The following AAK1 variants were observed in gnomAD, a reference collection of about 807,000 sequenced individuals.
AAK1 encodes the protein AP2 associated kinase 1.
Under a neutral mutation model 116.0 loss-of-function variants are expected in AAK1, and 37 were observed. The observed-to-expected ratio is 0.32, with a 90% CI of 0.25 to 0.42. The LOEUF (loss-of-function observed/expected upper bound fraction) is 0.42. Ranked by LOEUF, AAK1 falls within the 10% of genes least tolerant of loss-of-function variation. The pLI, the probability that AAK1 is intolerant of heterozygous loss-of-function variation, is 1.00. For synonymous variants in AAK1, 458 were observed against 439.9 expected, an observed-to-expected ratio of 1.04 and a Z score of -0.51; for missense variants, 919 against 1,170.6, an observed-to-expected ratio of 0.79 and a Z score of 3.14.
At chr2:69,600,226 A>G (rs1440630707) in intron 2 of AAK1, among the ~76,000 whole-genome samples, 1 of 152,020 alleles carries the variant, frequency 6.6e-6, no homozygotes, top group South Asian at 2.1e-4. Flanking sequence ...AATATTATGA[A>G]TATTCCAGGA....
intron 2 of AAK1, among the ~76,000 whole-genome samples, chr2:69,573,470 A>G (rs1389772161): frequency 6.6e-6 from 1 of 152,222 alleles, no homozygotes; most frequent in Non-Finnish European, 1.5e-5. Flanking sequence ...GTAAGGCTAC[A>G]TGTCAAAAAA....
intron 2 of AAK1, among the ~76,000 whole-genome samples, chr2:69,581,753 G>C (rs947276207): frequency 1.3e-5 from 2 of 152,186 alleles, no homozygotes; most frequent in African/African-American, 4.8e-5. Flanking sequence ...GAAGTGGGAA[G>C]ATCACTTGAG....
chr2:69,643,187 G>A lies in AAK1; in HGVS notation c.-147C>T. The A allele has an allele frequency of 7.0e-7, 1 of 1,434,066 alleles. No individual in the cohort carries two copies. The highest frequency in any genetic ancestry group is 9.1e-7 in the Non-Finnish European group (1 of 1,103,036). The allele number at this position is 1,434,066 out of a possible 1,614,324, so 88.8% of individuals were successfully genotyped here. ...CCCGAATCCGGCCGTGGGGGTGGGGGCTGAGGGAGGATGCCTATAGGAATA... is the reference window on the plus strand; with the variant it reads ...CCCGAATCCGGCCGTGGGGGTGGGGACTGAGGGAGGATGCCTATAGGAATA... On this transcript the variant is annotated 5_prime_UTR_variant, in exon 2 of 22. Transcript: ENST00000409085.
At chr2:69,530,760 C>T in intron 6 of AAK1, 54 bp from the exon 7 acceptor site, 1 of 1,361,218 alleles carries the variant, frequency 7.3e-7, no homozygotes, top group Non-Finnish European at 1.0e-6. Context: ...TAATTAAAAA[C>T]CAGGAGCAGC....
At chr2:69,562,372 GAT>G (rs1671678729) in intron 2 of AAK1, among the ~76,000 whole-genome samples, 1 of 152,164 alleles carries the variant, frequency 6.6e-6, no homozygotes, top group Non-Finnish European at 1.5e-5. Flanking sequence ...TCACTTTCCT[GAT>G]AAAAGGTTTT....
At chr2:69,593,192 G>A (rs1344260427) in intron 2 of AAK1, among the ~76,000 whole-genome samples, 1 of 152,154 alleles carries the variant, frequency 6.6e-6, no homozygotes, top group Non-Finnish European at 1.5e-5. Flanking sequence ...CTGATGAAAT[G>A]TAGAAGTATA....
At chr2:69,636,846 G>C (rs13429349) in intron 2 of AAK1, among the ~76,000 whole-genome samples, 17,638 of 151,754 alleles carry the variant, frequency 0.12, 2,284 homozygotes, top group African/African-American at 0.3. Flanking sequence ...ATTACAGGTA[G>C]CCGCCACCAC....
chr2:69,621,407 C>A (rs977838596), intron 2 of AAK1, among the ~76,000 whole-genome samples: 1 of 151,792 alleles, frequency 6.6e-6, no homozygotes, highest in Non-Finnish European at 1.5e-5. Flanking sequence ...TGAAAAAAGG[C>A]GACAGAGGTT....
At chr2:69,594,686 A>C (rs1673184826) in intron 2 of AAK1, 1 of 600,408 alleles carries the variant, frequency 1.7e-6, no homozygotes. Flanking sequence ...AATTTTTTTT[A>C]AGTGAATATA....
chr2:69,641,492 C>T (rs1675722892), intron 2 of AAK1, among the ~76,000 whole-genome samples: 1 of 152,206 alleles, frequency 6.6e-6, no homozygotes, highest in Non-Finnish European at 1.5e-5. Flanking sequence ...TAAAGCGCAG[C>T]TAGAACAGTA....
intron 2 of AAK1, among the ~76,000 whole-genome samples, chr2:69,607,506 C>T (rs758686912): frequency 2.6e-5 from 4 of 152,068 alleles, no homozygotes; most frequent in Non-Finnish European, 4.4e-5. Context: ...CCACAAGCCC[C>T]CAAAATGGTA....
chr2:69,621,427 T>C (rs1297289565), intron 2 of AAK1, among the ~76,000 whole-genome samples: 1 of 150,422 alleles, frequency 6.6e-6, no homozygotes. Flanking sequence ...TGCAGTGAGC[T>C]GAGATTGTGC....
Position 69,465,213 on chromosome 2 carries a change from C to T in AAK1, c.*10656G>A. The T allele has an allele frequency of 2.8e-6, 1 of 354,654 alleles. No individual in the cohort carries two copies. Among genetic ancestry groups the T allele is most frequent in the Non-Finnish European group, 4.9e-6 (1 of 203,060 alleles). 22.0% of individuals were successfully genotyped at this position (354,654 alleles called of 1,614,324 possible). ...AAGTCCAGAAATCAATATAAACAAA[C>T]AAACAAACAAACAAAAATGAACATA... On this transcript the variant is annotated 3_prime_UTR_variant, in exon 22 of 22. Transcript: ENST00000409085.
chr2:69,545,532 C>T (rs1255091447), intron 3 of AAK1, among the ~76,000 whole-genome samples: 6 of 152,130 alleles, frequency 3.9e-5, no homozygotes, highest in East Asian at 1.9e-4. Flanking sequence ...CAGTTTGGAC[C>T]GTGAGAACAG....
chr2:69,533,652 C>G (rs1018038461), intron 5 of AAK1, among the ~76,000 whole-genome samples: 3 of 152,142 alleles, frequency 2.0e-5, no homozygotes, highest in Non-Finnish European at 4.4e-5. Flanking sequence ...GGAACTTAAT[C>G]TGTAAAAAGC....
At chr2:69,573,987 T>C (rs1672195954) in intron 2 of AAK1, among the ~76,000 whole-genome samples, 1 of 149,680 alleles carries the variant, frequency 6.7e-6, no homozygotes, top group South Asian at 2.2e-4. Context: ...AGAGCAAGAC[T>C]CCATCTCAAA....
chr2:69,607,191 A>G (rs1673846146), intron 2 of AAK1, among the ~76,000 whole-genome samples: 1 of 152,132 alleles, frequency 6.6e-6, no homozygotes. Flanking sequence ...GTTCCCCAAG[A>G]AGGTGACATA....
intron 17 of AAK1, among the ~76,000 whole-genome samples, chr2:69,493,356 C>T (rs1675616656): frequency 6.6e-6 from 1 of 151,748 alleles, no homozygotes; most frequent in South Asian, 2.1e-4. Flanking sequence ...TCTCATCAGC[C>T]CAGGGACTGG....
intron 18 of AAK1, 70 bp downstream of exon 18, chr2:69,482,641 A>T: frequency 7.9e-7 from 1 of 1,273,822 alleles, no homozygotes; most frequent in Non-Finnish European, 1.1e-6. Flanking sequence ...TTGGTTAACT[A>T]GGTACTTGTC....
Sources: gnomAD v4.1 joint callset for allele counts (sites outside exome capture counted in the v4.1 genomes callset) on GRCh38, gnomAD v4.1.1 for gene constraint, MANE v1.5 for transcripts, NCBI Gene and HGNC (gene_info 2026-07-23, HGNC 2026-07-21) for gene names.